The following EPB41L2 variants were observed in gnomAD, a reference collection of about 807,000 sequenced individuals.
The protein encoded by EPB41L2 is band 4.1-like protein 2.
In EPB41L2, 43 loss-of-function variants were observed where a neutral mutation model predicts 113.0. That is an observed-to-expected ratio of 0.38 (90% CI 0.30 to 0.49). The LOEUF (loss-of-function observed/expected upper bound fraction) is 0.49, where lower values mean the gene tolerates loss of function less well. EPB41L2 is among the 20% of genes least tolerant of loss of function. The pLI, the probability that EPB41L2 is intolerant of heterozygous loss-of-function variation, is 0.95. For missense variants in EPB41L2, 1,147 were observed against 1,223.4 expected (o/e 0.94, Z 0.93); for synonymous variants, 442 against 436.7 (o/e 1.01, Z -0.15).
At chr6:130,935,580 C>T (rs937579320) in intron 3 of EPB41L2, among the ~76,000 whole-genome samples, 3 of 152,156 alleles carry the variant, frequency 2.0e-5, no homozygotes, top group African/African-American at 4.8e-5. Flanking sequence ...ACATTATTAA[C>T]ACAAAAAAAC....
chr6:130,931,128 G>A (rs1184419658), intron 3 of EPB41L2, among the ~76,000 whole-genome samples: 1 of 152,106 alleles, frequency 6.6e-6, no homozygotes, highest in Non-Finnish European at 1.5e-5. Flanking sequence ...GTCCTAGATG[G>A]AGATGAGAGA....
chr6:131,001,337 G>A (rs1465947630), intron 1 of EPB41L2, among the ~76,000 whole-genome samples: 1 of 151,102 alleles, frequency 6.6e-6, no homozygotes, highest in African/African-American at 2.4e-5. Flanking sequence ...GAGAAAGAGA[G>A]CACGTGAGCG....
chr6:131,017,530 T>C (rs189817071), intron 1 of EPB41L2, among the ~76,000 whole-genome samples: 1 of 152,370 alleles, frequency 6.6e-6, no homozygotes, highest in African/African-American at 2.4e-5. Flanking sequence ...GTAGTTCATA[T>C]GCAGCTCACT....
rs75886474 is a variant in EPB41L2 at position 130,895,290 on chromosome 6, T to C, written c.1237-171A>G. ...GAAAACTATGGCGCACACACATACA[T>C]GTTAAATTTATTCATCTTCAGGGAT... On this transcript the variant is annotated intron_variant, in intron 8 of 19. Coordinates refer to ENST00000337057, the MANE Select transcript of EPB41L2 (RefSeq NM_001431.4). Among the ~76,000 whole-genome samples, 874 of 152,236 alleles carry C rather than the reference T, an allele frequency of 5.7e-3. 7 individuals carry two copies. The highest frequency in any genetic ancestry group is 0.02 in the African/African-American group (844 of 41,512).
chr6:130,964,694 A>C (rs1450204634), intron 1 of EPB41L2, among the ~76,000 whole-genome samples: 1 of 152,218 alleles, frequency 6.6e-6, no homozygotes, highest in Non-Finnish European at 1.5e-5. Flanking sequence ...AATAACAGTA[A>C]TCACAACAGA....
chr6:130,858,364 G>T (rs2128423403), intron 18 of EPB41L2, 121 bp from the exon 19 acceptor site: 1 of 670,328 alleles, frequency 1.5e-6, no homozygotes, highest in South Asian at 1.9e-5. Context: ...ACTCACTTCT[G>T]TATTTGAGAA....
chr6:130,928,146 C>T lies in EPB41L2; in HGVS notation c.706-1437G>A, dbSNP rs77144713. Among the ~76,000 whole-genome samples the T allele has an allele frequency of 0.02, 3,009 of 152,204 alleles. 189 individuals are homozygous for T. In the East Asian group the frequency reaches 0.26, roughly 13 times the overall value. ...TAAAAATAAAACAATGTGTCACATACATATTACAGGTTTGCAATGAGGATT... is the reference window on the plus strand; with the variant it reads ...TAAAAATAAAACAATGTGTCACATATATATTACAGGTTTGCAATGAGGATT... On this transcript the variant is annotated intron_variant, in intron 3 of 19. Coordinates refer to ENST00000337057, the MANE Select transcript of EPB41L2 (RefSeq NM_001431.4).
At chr6:130,952,476 C>T (rs555038230) in intron 3 of EPB41L2, among the ~76,000 whole-genome samples, 1 of 151,814 alleles carries the variant, frequency 6.6e-6, no homozygotes, top group East Asian at 1.9e-4. Context: ...CAAAAAGATA[C>T]ATGCAGGACA....
At chr6:130,881,752 C>G (rs1789380793) in intron 12 of EPB41L2, 1 of 152,056 alleles carries the variant, frequency 6.6e-6, no homozygotes, top group South Asian at 2.1e-4. Context: ...GAGGCCCAAT[C>G]TTAGTGTTAT....
chr6:131,038,824 C>T (rs1186343453), intron 1 of EPB41L2, among the ~76,000 whole-genome samples: 2 of 152,084 alleles, frequency 1.3e-5, no homozygotes, highest in African/African-American at 2.4e-5. Flanking sequence ...TATTTAATGC[C>T]TAACAAAAGA....
chr6:130,858,157 C>G lies in EPB41L2; in HGVS notation c.2997G>C (p.Leu999Phe), dbSNP rs776066203. 1 of 1,613,998 alleles carries G rather than the reference C, an allele frequency of 6.2e-7. No individual in the cohort carries two copies. The highest frequency in any genetic ancestry group is 8.5e-7 in the Non-Finnish European group (1 of 1,179,908). Residue 999 changes from leucine to phenylalanine, a missense_variant, in exon 19 of 20, where the codon TTG (leucine) becomes TTC (phenylalanine). By Grantham distance (22) the Leu-to-Phe change is conservative (BLOSUM62 0). Coordinates refer to ENST00000337057, the MANE Select transcript of EPB41L2 (RefSeq NM_001431.4). ...TRVVVHKETE[L>F]AEEGED ...TTACTTAATCTTCCCCTTCCTCAGC[C>G]AACTCTGTTTCTTTGTGTACCACCA...
At chr6:130,920,487 A>T (rs1228769083) in intron 4 of EPB41L2, among the ~76,000 whole-genome samples, 1 of 152,026 alleles carries the variant, frequency 6.6e-6, no homozygotes, top group South Asian at 2.1e-4. Context: ...CTCACTGTCA[A>T]ATTTCTCTTT....
chr6:130,951,269 G>T (rs9483196), intron 3 of EPB41L2, among the ~76,000 whole-genome samples: 1 of 119,730 alleles, frequency 8.4e-6, no homozygotes. Context: ...AAAAGGAGGG[G>T]GAGGGGGGGA....
chr6:130,898,730 C>T (rs1583218891), intron 8 of EPB41L2, among the ~76,000 whole-genome samples: 1 of 152,132 alleles, frequency 6.6e-6, no homozygotes, highest in Non-Finnish European at 1.5e-5. Flanking sequence ...TTACTACTGC[C>T]TAATTTATCG....
At chr6:130,935,351 A>T (rs1450503091) in intron 3 of EPB41L2, among the ~76,000 whole-genome samples, 2 of 152,154 alleles carry the variant, frequency 1.3e-5, no homozygotes, top group Non-Finnish European at 2.9e-5. Context: ...CCCTTATTTC[A>T]TGAGCACGAT....
At chr6:130,997,483 G>C (rs1783409247) in intron 1 of EPB41L2, among the ~76,000 whole-genome samples, 1 of 152,126 alleles carries the variant, frequency 6.6e-6, no homozygotes, top group South Asian at 2.1e-4. Context: ...GCTACGAAGG[G>C]ATCAGGGAAC....
intron 12 of EPB41L2, 26 bp from the exon 13 acceptor site, chr6:130,880,232 G>A: frequency 1.9e-6 from 3 of 1,543,300 alleles, no homozygotes; most frequent in Non-Finnish European, 2.7e-6. Context: ...ACACACAGGG[G>A]GGAAAAGGCA....
At chr6:130,998,247 T>C (rs1016403319) in intron 1 of EPB41L2, among the ~76,000 whole-genome samples, 8 of 152,172 alleles carry the variant, frequency 5.3e-5, no homozygotes, top group Admixed American at 2.6e-4. Context: ...CCAAGATCTT[T>C]TGAATTCCAA....
At chr6:130,939,466 G>T (rs1156869382) in intron 3 of EPB41L2, among the ~76,000 whole-genome samples, 1 of 152,034 alleles carries the variant, frequency 6.6e-6, no homozygotes, top group South Asian at 2.1e-4. Context: ...TGTTGGCCAG[G>T]CTGGTCTCAA....
Sources: gnomAD v4.1 joint callset for allele counts (sites outside exome capture counted in the v4.1 genomes callset) on GRCh38, gnomAD v4.1.1 for gene constraint, MANE v1.5 for transcripts, NCBI Gene and HGNC (gene_info 2026-07-23, HGNC 2026-07-21) for gene names.